Variants in CNTLN observed in about 807,000 individuals in gnomAD.
The protein encoded by CNTLN is centlein, centrosomal protein.
Under a neutral mutation model 180.0 loss-of-function variants are expected in CNTLN, and 212 were observed. The observed-to-expected ratio is 1.18, with a 90% CI of 1.05 to 1.32. The LOEUF is 1.32. Among genes scored for constraint, CNTLN ranks in the 40% most tolerant of loss-of-function variants. The probability of loss-of-function intolerance (pLI) is 0.00; values close to 1 mark genes in which losing one functional copy is unlikely to be tolerated. For missense variants in CNTLN, 2,095 were observed against 1,610.9 expected (o/e 1.30, Z -5.14); for synonymous variants, 722 against 563.1 (o/e 1.28, Z -3.99).
At chr9:17,408,732 C>T (rs182434276) in intron 15 of CNTLN, among the ~76,000 whole-genome samples, 17 of 150,186 alleles carry the variant, frequency 1.1e-4, no homozygotes, top group Admixed American at 3.3e-4. Flanking sequence ...ACCTGGGAGG[C>T]GGAGGTTGCC....
chr9:17,396,795 G>C (rs1826558982), intron 15 of CNTLN, among the ~76,000 whole-genome samples: 1 of 152,128 alleles, frequency 6.6e-6, no homozygotes, highest in Non-Finnish European at 1.5e-5. Flanking sequence ...ACAAGTTTGA[G>C]AAACACTGTT....
At position 17,243,563 on chromosome 9, in the gene CNTLN, A is replaced by G. The variant is rs556265686; in HGVS notation, c.849+6975A>G. Among the ~76,000 whole-genome samples, 3 of 152,244 alleles carry G rather than the reference A, an allele frequency of 2.0e-5. No homozygotes were observed. In the East Asian group the frequency reaches 5.8e-4, roughly 29 times the overall value. On this transcript the variant is annotated intron_variant, in intron 5 of 25. Coordinates refer to ENST00000380647, the MANE Select transcript of CNTLN (RefSeq NM_017738.4). The stretch of plus-strand genomic sequence containing the variant: ...TTTCAGTTTTCTTCTTAATTTCTTC[A>G]TTGACCTACTGGTTATTCAGGAGCA...
intron 5 of CNTLN, among the ~76,000 whole-genome samples, chr9:17,271,273 T>A (rs975175178): frequency 6.6e-6 from 1 of 152,044 alleles, no homozygotes; most frequent in African/African-American, 2.4e-5. Flanking sequence ...GAGCATGATT[T>A]GTGGGGGCGC....
At position 17,175,826 on chromosome 9, in the gene CNTLN, T is replaced by A. The variant is rs1010321549; in HGVS notation, c.449+32450T>A. ...TTTGTAGTTTTCAGCATGCAAGTCC[T>A]ATATATTGTTAGATTTACACCTATG... On this transcript the variant is annotated intron_variant, in intron 2 of 25. Coordinates refer to ENST00000380647, the MANE Select transcript of CNTLN (RefSeq NM_017738.4). Among the ~76,000 whole-genome samples, 8 of 152,318 alleles carry A rather than the reference T, an allele frequency of 5.3e-5. No homozygotes were observed. In the East Asian group the frequency reaches 1.5e-3, roughly 29 times the overall value.
At chr9:17,209,959 T>A (rs1013908161) in intron 2 of CNTLN, among the ~76,000 whole-genome samples, 1 of 152,218 alleles carries the variant, frequency 6.6e-6, no homozygotes, top group African/African-American at 2.4e-5. Flanking sequence ...CAAGATCCAA[T>A]ATTTAACAGT....
At chr9:17,309,337 A>G in intron 8 of CNTLN, 85 bp downstream of exon 8, 1 of 1,106,434 alleles carries the variant, frequency 9.0e-7, no homozygotes, top group East Asian at 2.5e-5. Flanking sequence ...AAAAATTTAA[A>G]TATATTTGCA....
At chr9:17,390,761 C>T (rs1306317510) in intron 14 of CNTLN, among the ~76,000 whole-genome samples, 2 of 152,108 alleles carry the variant, frequency 1.3e-5, no homozygotes, top group Non-Finnish European at 1.5e-5. Context: ...TTAATAAGTG[C>T]TATGGATTTT....
the CNTLN span, among the ~76,000 whole-genome samples, chr9:17,526,367 TAA>T: frequency 1.3e-5 from 2 of 152,346 alleles, no homozygotes; most frequent in South Asian, 4.1e-4. Flanking sequence ...TAAATTACTA[TAA>T]GAGACTTTGT....
intron 11 of CNTLN, among the ~76,000 whole-genome samples, chr9:17,341,545 G>C (rs1821480676): frequency 6.6e-6 from 1 of 152,124 alleles, no homozygotes; most frequent in African/African-American, 2.4e-5. Context: ...TGTATCAACA[G>C]AGGGCAAAGG....
intron 12 of CNTLN, among the ~76,000 whole-genome samples, chr9:17,365,816 C>G (rs1401591006): frequency 6.6e-6 from 1 of 151,974 alleles, no homozygotes; most frequent in Non-Finnish European, 1.5e-5. Context: ...CATGGTGGCA[C>G]ACACCTGTAG....
chr9:17,332,657 A>C lies in CNTLN; in HGVS notation c.1571A>C (p.Asp524Ala). The C allele has an allele frequency of 6.2e-7, 1 of 1,609,198 alleles. No individual in the cohort carries two copies. Among genetic ancestry groups the C allele is most frequent in the Non-Finnish European group, 8.5e-7 (1 of 1,177,946 alleles). ...TTGTCCCCAAAGAGCTCTTTCACAG[A>C]CTCAGAAGAGCTACAGAAGCTGAGA... ...RSLSPKSSFT[D>A]SEELQKLRKA... The change falls in exon 10 of 26, where the codon GAC becomes GCC. Residue 524 changes from aspartate to alanine, a missense_variant. Coordinates refer to ENST00000380647, the MANE Select transcript of CNTLN (RefSeq NM_017738.4).
intron 5 of CNTLN, among the ~76,000 whole-genome samples, chr9:17,266,796 C>T (rs1020946733): frequency 4.2e-4 from 64 of 152,216 alleles, no homozygotes; most frequent in African/African-American, 1.5e-3. Flanking sequence ...TATGTAATGG[C>T]CTTCTTTGTC....
chr9:17,359,418 A>G (rs1587765788), intron 12 of CNTLN, among the ~76,000 whole-genome samples: 1 of 152,062 alleles, frequency 6.6e-6, no homozygotes, highest in East Asian at 1.9e-4. Context: ...AAAAAATACC[A>G]TTAAACGAAT....
chr9:17,135,411 T>G lies in CNTLN; in HGVS notation c.346T>G (p.Leu116Val). The change falls in exon 1 of 26, where the codon TTG becomes GTG. Residue 116 changes from leucine (L) to valine (V), a missense_variant. By Grantham distance (32) the Leu-to-Val change is conservative. Coordinates refer to ENST00000380647, the MANE Select transcript of CNTLN (RefSeq NM_017738.4). Reference sequence around the variant, plus strand: ...AGAGCTGAGCAGCCTAAAGGAGGAGTTGGCCCTGTGTCAGGTATCGAGGAG... The same window carrying G: ...AGAGCTGAGCAGCCTAAAGGAGGAGGTGGCCCTGTGTCAGGTATCGAGGAG... The part of the protein sequence containing the change: ...EEELSSLKEE[L>V]ALCQADKEFV... 6.3e-7 allele frequency: 1 copy of G among 1,596,694 alleles called. No individual in the cohort carries two copies. Among genetic ancestry groups the G allele is most frequent in the Non-Finnish European group, 8.5e-7 (1 of 1,172,930 alleles).
intron 2 of CNTLN, among the ~76,000 whole-genome samples, chr9:17,191,754 GAATA>G (rs1256841296): frequency 1.3e-5 from 2 of 152,114 alleles, no homozygotes; most frequent in African/African-American, 4.8e-5. Flanking sequence ...GAGAAATAGT[GAATA>G]AATATTGAAA....
chr9:17,252,912 GC>G (rs1355838132), intron 5 of CNTLN, among the ~76,000 whole-genome samples: 1 of 151,532 alleles, frequency 6.6e-6, no homozygotes, highest in Non-Finnish European at 1.5e-5. Flanking sequence ...TTACAATTAA[GC>G]CTTTAATCCA....
Position 17,143,842 on chromosome 9 carries a change from A to C in CNTLN, c.449+466A>C, listed in dbSNP as rs553969817. Among the ~76,000 whole-genome samples, 3 of 152,304 alleles carry C rather than the reference A, an allele frequency of 2.0e-5. No individual in the cohort carries two copies. In the South Asian group the frequency reaches 6.2e-4, roughly 32 times the overall value. ...GTTCTGGAATAGGTTAAAGGATTTT[A>C]CTTAGCACTCCATATTATCCTGTAG... On this transcript the variant is annotated intron_variant, in intron 2 of 25. Coordinates refer to ENST00000380647, the MANE Select transcript of CNTLN (RefSeq NM_017738.4).
intron 23 of CNTLN, among the ~76,000 whole-genome samples, chr9:17,483,269 C>G (rs1832736854): frequency 6.6e-6 from 1 of 151,992 alleles, no homozygotes; most frequent in Admixed American, 6.6e-5. Flanking sequence ...TAAAATACAG[C>G]AAAAACACAA....
chr9:17,470,496 G>A (rs753691783), intron 23 of CNTLN, among the ~76,000 whole-genome samples: 3 of 151,744 alleles, frequency 2.0e-5, no homozygotes, highest in Non-Finnish European at 4.4e-5. Flanking sequence ...TTATTCATAG[G>A]GCGCAACCAG....
Sources: allele counts gnomAD v4.1 joint callset (sites outside exome capture counted in the v4.1 genomes callset), GRCh38; gene constraint gnomAD v4.1.1; transcripts MANE v1.5; gene names NCBI Gene and HGNC (gene_info 2026-07-23, HGNC 2026-07-21).